SYNDIG1: variants seen among roughly 807,000 people sequenced by gnomAD.
SYNDIG1 encodes synapse differentiation-inducing gene protein 1.
SYNDIG1 carries 9 observed loss-of-function variants against 19.4 expected under a neutral mutation model. The observed-to-expected ratio is 0.46, with a 90% CI of 0.28 to 0.81. SYNDIG1 has a LOEUF of 0.81. Among genes scored for constraint, SYNDIG1 ranks in the 30% least tolerant of loss-of-function variants. SYNDIG1 has a pLI of 0.12. For synonymous variants in SYNDIG1, 141 were observed against 145.9 expected, an observed-to-expected ratio of 0.97 and a Z score of 0.24; for missense variants, 311 against 343.3, an observed-to-expected ratio of 0.91 and a Z score of 0.74.
chr20:24,562,138 A>G (rs1300398617), intron 2 of SYNDIG1, among the ~76,000 whole-genome samples: 1 of 151,692 alleles, frequency 6.6e-6, no homozygotes, highest in Admixed American at 6.6e-5. Context: ...TTTATTCCAG[A>G]TTCTTCCAGA....
intron 1 of SYNDIG1, among the ~76,000 whole-genome samples, chr20:24,532,063 C>G (rs1470394108): frequency 6.6e-6 from 1 of 152,168 alleles, no homozygotes; most frequent in African/African-American, 2.4e-5. Context: ...CACAAAATGC[C>G]ATTCCCTCAC....
chr20:24,533,921 G>T (rs1362625358), intron 1 of SYNDIG1, among the ~76,000 whole-genome samples: 2 of 152,170 alleles, frequency 1.3e-5, no homozygotes, highest in East Asian at 3.8e-4. Context: ...ATTTTTAAAG[G>T]AAGTTTGTTT....
At chr20:24,629,280 C>T (rs537485480) in intron 3 of SYNDIG1, among the ~76,000 whole-genome samples, 4 of 152,126 alleles carry the variant, frequency 2.6e-5, no homozygotes, top group Non-Finnish European at 5.9e-5. Context: ...GGCGAGTGTG[C>T]CTCTGGGGTT....
chr20:24,533,276 C>A (rs1003581922), intron 1 of SYNDIG1, among the ~76,000 whole-genome samples: 1 of 152,158 alleles, frequency 6.6e-6, no homozygotes, highest in Non-Finnish European at 1.5e-5. Context: ...TTCCTCCTTG[C>A]AGGCTGGGAG....
intron 1 of SYNDIG1, among the ~76,000 whole-genome samples, chr20:24,519,138 T>TCAG (rs2056950463): frequency 6.6e-6 from 1 of 152,210 alleles, no homozygotes; most frequent in Non-Finnish European, 1.5e-5. Flanking sequence ...ACTGATATTT[T>TCAG]TTATGTTTCC....
chr20:24,557,030 T>C (rs965048762), intron 2 of SYNDIG1, among the ~76,000 whole-genome samples: 42 of 152,180 alleles, frequency 2.8e-4, no homozygotes, highest in Non-Finnish European at 1.8e-4. Context: ...TCTCTAAACT[T>C]CCCTTCTCAC....
chr20:24,594,440 G>A (rs539802179), intron 3 of SYNDIG1, among the ~76,000 whole-genome samples: 6 of 152,136 alleles, frequency 3.9e-5, no homozygotes, highest in Non-Finnish European at 7.4e-5. Context: ...TTCTAACATG[G>A]TTTGAAGTCA....
At chr20:24,557,012 T>C (rs891570848) in intron 2 of SYNDIG1, among the ~76,000 whole-genome samples, 2 of 152,214 alleles carry the variant, frequency 1.3e-5, no homozygotes, top group Non-Finnish European at 2.9e-5. Context: ...TTTCTTTTTA[T>C]TCTTTTTTCT....
intron 2 of SYNDIG1, among the ~76,000 whole-genome samples, chr20:24,558,850 A>G (rs1285066482): frequency 6.6e-6 from 1 of 152,198 alleles, no homozygotes; most frequent in African/African-American, 2.4e-5. Context: ...ACTGTCATGT[A>G]TGTATTTCAC....
intron 2 of SYNDIG1, among the ~76,000 whole-genome samples, chr20:24,543,876 G>A (rs1368741545): frequency 6.6e-6 from 1 of 152,134 alleles, no homozygotes; most frequent in Non-Finnish European, 1.5e-5. Flanking sequence ...CTGCTCTCCC[G>A]CATCCCATGA....
chr20:24,524,571 G>C (rs1214987739), intron 1 of SYNDIG1, among the ~76,000 whole-genome samples: 4 of 151,942 alleles, frequency 2.6e-5, no homozygotes, highest in African/African-American at 9.7e-5. Context: ...GCGTGAACCC[G>C]GGAGGCGGAG....
intron 1 of SYNDIG1, among the ~76,000 whole-genome samples, chr20:24,542,519 T>C (rs766419690): frequency 2.5e-4 from 38 of 152,350 alleles, no homozygotes; most frequent in Middle Eastern, 6.8e-3. Flanking sequence ...TCTCTCAAGA[T>C]GCCTCAGTAG....
intron 2 of SYNDIG1, among the ~76,000 whole-genome samples, chr20:24,561,789 A>G (rs748275219): frequency 6.6e-6 from 1 of 152,216 alleles, no homozygotes; most frequent in Non-Finnish European, 1.5e-5. Flanking sequence ...ATTTCCCAAC[A>G]TGCAGTAAAT....
chr20:24,589,005 A>T (rs1293876352), intron 3 of SYNDIG1, among the ~76,000 whole-genome samples: 1 of 152,136 alleles, frequency 6.6e-6, no homozygotes, highest in Non-Finnish European at 1.5e-5. Flanking sequence ...GTTGTCTACA[A>T]CTTCATTTTG....
chr20:24,522,226 G>A (rs749022400), intron 1 of SYNDIG1, among the ~76,000 whole-genome samples: 1 of 152,016 alleles, frequency 6.6e-6, no homozygotes, highest in Admixed American at 6.6e-5. Flanking sequence ...CCCACCTGTA[G>A]CTAGGACTAT....
At chr20:24,634,129 CA>C (rs2059288902) in intron 3 of SYNDIG1, among the ~76,000 whole-genome samples, 2 of 152,176 alleles carry the variant, frequency 1.3e-5, no homozygotes, top group African/African-American at 2.4e-5. Flanking sequence ...GCCCCTCCTC[CA>C]GGGGGACCCC....
At chr20:24,519,492 C>T (rs943228743) in intron 1 of SYNDIG1, among the ~76,000 whole-genome samples, 1 of 152,130 alleles carries the variant, frequency 6.6e-6, no homozygotes, top group African/African-American at 2.4e-5. Context: ...TTAAATAGAT[C>T]ATTTATGATG....
chr20:24,596,525 C>T (rs896051778), intron 3 of SYNDIG1, among the ~76,000 whole-genome samples: 1 of 152,006 alleles, frequency 6.6e-6, no homozygotes, highest in Non-Finnish European at 1.5e-5. Flanking sequence ...ACTACAGGCT[C>T]CCACCATCAT....
chr20:24,587,239 C>T (rs1280325907), intron 3 of SYNDIG1, among the ~76,000 whole-genome samples: 1 of 152,178 alleles, frequency 6.6e-6, no homozygotes, highest in African/African-American at 2.4e-5. Flanking sequence ...TGGCTGCAGC[C>T]TCCCTTTTCA....
Sources: gnomAD v4.1 joint callset for allele counts (sites outside exome capture counted in the v4.1 genomes callset) on GRCh38, gnomAD v4.1.1 for gene constraint, MANE v1.5 for transcripts, NCBI Gene and HGNC (gene_info 2026-07-23, HGNC 2026-07-21) for gene names.